The following ATG4A variants were observed in gnomAD, a reference collection of about 807,000 sequenced individuals.
ATG4A encodes autophagy related 4A cysteine peptidase, also known as cysteine protease ATG4A.
In ATG4A, 22 loss-of-function variants were observed where a neutral mutation model predicts 38.4. That is an observed-to-expected ratio of 0.57 (90% CI 0.41 to 0.82). The LOEUF is 0.82. Among genes scored for constraint, ATG4A ranks in the 40% least tolerant of loss-of-function variants. The pLI, the probability that ATG4A is intolerant of heterozygous loss-of-function variation, is 0.00. For synonymous variants in ATG4A, 86 were observed against 100.7 expected (o/e 0.85, Z 0.88); for missense variants, 220 against 290.0 (o/e 0.76, Z 1.75).
upstream of ATG4A, chrX:108,088,971 G>A (rs2031531849): frequency 2.1e-6 from 1 of 480,981 alleles, no homozygotes; most frequent in African/African-American, 2.4e-5. Flanking sequence ...GGATCCTCAG[G>A]TAGGTAACCT....
At chrX:108,127,274 T>C (rs1445889286) in intron 2 of ATG4A, among the ~76,000 whole-genome samples, 1 of 112,008 alleles carries the variant, frequency 8.9e-6, no homozygotes. Context: ...ATTGCTAAAA[T>C]GTCCATACAA....
At chrX:108,151,003 G>A (rs1284595483) in intron 10 of ATG4A, among the ~76,000 whole-genome samples, 2 of 112,380 alleles carry the variant, frequency 1.8e-5, no homozygotes, top group African/African-American at 3.2e-5. Context: ...CACATTGTAA[G>A]CATTCTATAA....
chrX:108,114,075 A>G (rs1237618654), intron 1 of ATG4A, among the ~76,000 whole-genome samples: 4 of 112,254 alleles, frequency 3.6e-5, no homozygotes. Context: ...AGTATTTATT[A>G]TAATGGCATT....
At chrX:108,104,753 C>T (rs1439198323) in intron 1 of ATG4A, among the ~76,000 whole-genome samples, 2 of 111,335 alleles carry the variant, frequency 1.8e-5, no homozygotes, top group African/African-American at 6.5e-5. Flanking sequence ...TTTACCCCTT[C>T]TCCTTCTTGG....
chrX:108,138,169 G>A lies in ATG4A; in HGVS notation c.792G>A (p.Ala264=), dbSNP rs2294462. 7.5e-5 allele frequency: 91 copies of A among 1,207,761 alleles called. No homozygotes were observed. The highest frequency in any genetic ancestry group is 6.8e-4 in the East Asian group (23 of 33,758). The part of the protein sequence containing the change: ...LGALGGKPNN[A]YYFIGFLGDE... ...CATTAGGAGGAAAACCAAATAACGC[G>A]TATTATTTCATAGGATTCTTAGGTA... The change falls in exon 9 of 13, where the codon GCG becomes GCA. Residue 264 remains alanine, a synonymous_variant. Transcript: ENST00000372232.
chrX:108,129,086 G>C lies in ATG4A; in HGVS notation c.193+234G>C, dbSNP rs768261809. On this transcript the variant is annotated intron_variant, in intron 3 of 12. Coordinates refer to ENST00000372232, the MANE Select transcript of ATG4A (RefSeq NM_052936.5). ...AGTATACTTTTGACACCACCTCCAA[G>C]TGTTCAGGCACCAGATGATATTACT... Among the ~76,000 whole-genome samples, 7 of 112,214 alleles carry C rather than the reference G, an allele frequency of 6.2e-5. No individual in the cohort carries two copies. The East Asian group carries it at 1.4e-3, about 22-fold the overall frequency.
chrX:108,136,125 T>A (rs1232098062), intron 6 of ATG4A, among the ~76,000 whole-genome samples: 3 of 111,189 alleles, frequency 2.7e-5, no homozygotes, highest in African/African-American at 9.8e-5. Flanking sequence ...TTCATCATGA[T>A]CATTAGCATT....
chrX:108,137,860 G>T lies in ATG4A; in HGVS notation c.604G>T (p.Asp202Tyr), dbSNP rs150156501. The change falls in exon 8 of 13, where the codon GAT becomes TAT. Residue 202 changes from aspartate to tyrosine, a missense_variant. Transcript: ENST00000372232. ...SADTAGDRPPDSLTASNQSKG... is the reference protein window; with the variant it reads ...SADTAGDRPPYSLTASNQSKG... Reference sequence around the variant, plus strand: ...TGACACAGCTGGTGACAGGCCTCCCGATTCTTTAACTGCTTCAAACCAGAG... The same window carrying T: ...TGACACAGCTGGTGACAGGCCTCCCTATTCTTTAACTGCTTCAAACCAGAG... 1.7e-6 allele frequency: 2 copies of T among 1,195,083 alleles called. No individual in the cohort carries two copies. The highest frequency in any genetic ancestry group is 1.1e-6 in the Non-Finnish European group (1 of 888,995).
In ATG4A at chrX:108,153,057, G is replaced by C. The variant is rs764732611; in HGVS notation, c.1096G>C (p.Ala366Pro). ...ACACTGGCCTCCCTTTGTACCTCCA[G>C]CCAAGCCAGAAGTGACAACCACTGG... The part of the protein sequence containing the change: ...PSHWPPFVPP[A>P]KPEVTTTGAE... The change falls in exon 12 of 13, where the codon GCC becomes CCC. Residue 366 changes from alanine to proline, a missense_variant. This residue lies in a region of ATG4A where 159 missense variants were observed against 188.9 expected (regional missense o/e 0.84). Coordinates refer to ENST00000372232, the MANE Select transcript of ATG4A (RefSeq NM_052936.5). 3.3e-6 allele frequency: 4 copies of C among 1,210,860 alleles called. No individual in the cohort carries two copies. In the Admixed American group the frequency reaches 8.7e-5, roughly 26 times the overall value.
intron 9 of ATG4A, among the ~76,000 whole-genome samples, chrX:108,142,726 A>T (rs977424529): frequency 1.8e-5 from 2 of 110,091 alleles, no homozygotes; most frequent in Non-Finnish European, 3.8e-5. Context: ...TCTTTTTCAC[A>T]TTTTTCTGCC....
At chrX:108,106,812 AT>A (rs1022618304) in intron 1 of ATG4A, among the ~76,000 whole-genome samples, 1 of 111,125 alleles carries the variant, frequency 9.0e-6, no homozygotes, top group Non-Finnish European at 1.9e-5. Flanking sequence ...TACTTTCAAG[AT>A]TTTTTTCTTT....
intron 11 of ATG4A, 77 bp downstream of exon 11, chrX:108,151,935 T>TA (rs759340805): frequency 2.3e-4 from 215 of 939,691 alleles, no homozygotes; most frequent in South Asian, 6.6e-4. Flanking sequence ...TTTTTCATAG[T>TA]AAAAAAAAAT....
intron 6 of ATG4A, among the ~76,000 whole-genome samples, chrX:108,134,678 T>C (rs928367773): frequency 2.7e-5 from 3 of 112,065 alleles, no homozygotes; most frequent in African/African-American, 9.7e-5. Context: ...ATGCTACAGA[T>C]TGATGCTCAT....
intron 1 of ATG4A, among the ~76,000 whole-genome samples, chrX:108,098,410 T>C (rs927213782): frequency 6.2e-5 from 7 of 112,033 alleles, no homozygotes; most frequent in Admixed American, 2.8e-4. Flanking sequence ...CGCAATAATT[T>C]GCAAAGATAG....
At chrX:108,136,984 A>G in intron 6 of ATG4A, 107 bp from the exon 7 acceptor site, 4 of 621,102 alleles carry the variant, frequency 6.4e-6, no homozygotes, top group South Asian at 2.8e-5. Flanking sequence ...CAGCTTTTCT[A>G]TGGCTCAGTG....
intron 9 of ATG4A, among the ~76,000 whole-genome samples, chrX:108,146,011 G>A (rs2033413539): frequency 8.9e-6 from 1 of 111,976 alleles, no homozygotes; most frequent in Non-Finnish European, 1.9e-5. Context: ...TGTCCAGTAG[G>A]CCCTGAAATG....
At chrX:108,089,602 G>A (rs2031540080), upstream of ATG4A, among the ~76,000 whole-genome samples, 1 of 111,923 alleles carries the variant, frequency 8.9e-6, no homozygotes, top group Non-Finnish European at 1.9e-5. Context: ...GGGAGGCTGA[G>A]GTGGGCAGAT....
At chrX:108,125,918 A>G (rs1192214786) in intron 1 of ATG4A, among the ~76,000 whole-genome samples, 159 bp from the exon 2 acceptor site, 4 of 112,423 alleles carry the variant, frequency 3.6e-5, no homozygotes, top group Non-Finnish European at 5.6e-5. Context: ...TAAAGGATTT[A>G]GAGGTCTTGT....
At chrX:108,132,188 C>T (rs773606800) in intron 4 of ATG4A, among the ~76,000 whole-genome samples, 4 of 112,112 alleles carry the variant, frequency 3.6e-5, no homozygotes, top group African/African-American at 9.7e-5. Flanking sequence ...CATGAGCTAC[C>T]GCGCCTGGCT....
Sources: allele counts gnomAD v4.1 joint callset (sites outside exome capture counted in the v4.1 genomes callset), GRCh38; gene constraint gnomAD v4.1.1; regional missense constraint gnomAD v4.1.1; transcripts MANE v1.5; gene names NCBI Gene and HGNC (gene_info 2026-07-23, HGNC 2026-07-21).